The following EPHB2 variants were observed in gnomAD, a reference collection of about 807,000 sequenced individuals.
EPHB2 encodes the protein EPH receptor B2, also known as ephrin type-B receptor 2.
In EPHB2, 18 loss-of-function variants were observed where a neutral mutation model predicts 96.4. That is an observed-to-expected ratio of 0.19 (90% CI 0.13 to 0.28). The LOEUF (loss-of-function observed/expected upper bound fraction) is 0.28. EPHB2 is among the 10% of genes least tolerant of loss of function. EPHB2 has a pLI of 1.00. For synonymous variants in EPHB2, 506 were observed against 534.1 expected (o/e 0.95, Z 0.72); for missense variants, 989 against 1,355.4 (o/e 0.73, Z 4.25).
intron 3 of EPHB2, among the ~76,000 whole-genome samples, chr1:22,800,482 G>T (rs1324936287): frequency 2.6e-5 from 4 of 152,152 alleles, no homozygotes; most frequent in Admixed American, 2.6e-4. Context: ...GAATGTGTGG[G>T]TGCAGCCGTG....
chr1:22,919,579 T>C lies in EPHB2; in HGVS notation c.*6009T>C, dbSNP rs1640346530. 1 of 152,828 alleles carries C rather than the reference T, an allele frequency of 6.5e-6. No individual in the cohort carries two copies. Among genetic ancestry groups the C allele is most frequent in the Admixed American group, 6.5e-5 (1 of 15,286 alleles). 9.5% of individuals were successfully genotyped at this position (152,828 alleles called of 1,614,324 possible). The stretch of plus-strand genomic sequence containing the variant: ...CTCCAGCTGGACCTAGAGCTACAGA[T>C]GCCCCACCACCACTACCAAGCCCGG... On this transcript the variant is annotated 3_prime_UTR_variant, in exon 16 of 16. Coordinates refer to ENST00000374630, the MANE Select transcript of EPHB2 (RefSeq NM_017449.5).
At chr1:22,715,253 A>T (rs576232525) in intron 1 of EPHB2, among the ~76,000 whole-genome samples, 1 of 152,322 alleles carries the variant, frequency 6.6e-6, no homozygotes, top group Non-Finnish European at 1.5e-5. Context: ...CTGGAGGGAG[A>T]TACCAAGGGG....
intron 14 of EPHB2, 34 bp downstream of exon 14, chr1:22,910,609 C>A: frequency 6.2e-7 from 1 of 1,610,428 alleles, no homozygotes; most frequent in Admixed American, 1.7e-5. Flanking sequence ...CCCAGCCAGG[C>A]CCTGCCCCTC....
intron 3 of EPHB2, among the ~76,000 whole-genome samples, chr1:22,797,632 C>T (rs191450109): frequency 6.6e-5 from 10 of 152,228 alleles, no homozygotes; most frequent in African/African-American, 1.4e-4. Context: ...GTCTCCTGGC[C>T]GCCTCCACCC....
chr1:22,801,288 G>A (rs1033569943), intron 3 of EPHB2, among the ~76,000 whole-genome samples: 8 of 152,002 alleles, frequency 5.3e-5, no homozygotes, highest in Middle Eastern at 3.2e-3. Context: ...GTCTGTCCTC[G>A]CCAGGCCAGC....
chr1:22,909,084 G>C lies in EPHB2; in HGVS notation c.2415G>C (p.Ser805=). The C allele has an allele frequency of 6.2e-7, 1 of 1,614,200 alleles. No individual in the cohort carries two copies. The highest frequency in any genetic ancestry group is 8.5e-7 in the Non-Finnish European group (1 of 1,180,038). The part of the protein sequence containing the change: ...PEAIQYRKFT[S]ASDVWSYGIV... ...CCATCCAGTACCGGAAGTTCACCTC[G>C]GCCAGTGATGTGTGGAGCTACGGCA... is the stretch of plus-strand genomic sequence containing the variant. The change falls in exon 13 of 16, where the codon TCG becomes TCC. Residue 805 remains serine, a synonymous_variant. Coordinates refer to ENST00000374630, the MANE Select transcript of EPHB2 (RefSeq NM_017449.5).
chr1:22,863,564 G>T (rs1003022795), intron 4 of EPHB2, among the ~76,000 whole-genome samples: 17 of 152,220 alleles, frequency 1.1e-4, no homozygotes, highest in Admixed American at 1.1e-3. Flanking sequence ...CACAGCCCAA[G>T]GTCCTCTAGG....
At chr1:22,840,068 T>C (rs1162898064) in intron 3 of EPHB2, among the ~76,000 whole-genome samples, 1 of 152,010 alleles carries the variant, frequency 6.6e-6, no homozygotes, top group African/African-American at 2.4e-5. Flanking sequence ...TGGACGGATA[T>C]GTGGATGGAT....
intron 5 of EPHB2, among the ~76,000 whole-genome samples, chr1:22,880,711 T>C (rs1639011243): frequency 2.0e-5 from 3 of 152,216 alleles, no homozygotes; most frequent in South Asian, 4.1e-4. Flanking sequence ...GGAACTTCAA[T>C]GTCTTCACCT....
intron 3 of EPHB2, among the ~76,000 whole-genome samples, chr1:22,803,668 T>A (rs1644880339): frequency 7.0e-6 from 1 of 143,140 alleles, no homozygotes; most frequent in African/African-American, 2.5e-5. Flanking sequence ...TGTGTATATA[T>A]ATGTGTGTAT....
chr1:22,786,512 G>A (rs1644612848), intron 3 of EPHB2, among the ~76,000 whole-genome samples: 2 of 152,216 alleles, frequency 1.3e-5, no homozygotes, highest in Non-Finnish European at 2.9e-5. Flanking sequence ...GGGGGTGGTT[G>A]CAGTGATCCT....
chr1:22,720,940 G>C (rs1409653191), intron 1 of EPHB2, among the ~76,000 whole-genome samples: 1 of 152,246 alleles, frequency 6.6e-6, no homozygotes, highest in South Asian at 2.1e-4. Context: ...TGCTCCTGTG[G>C]CCTGGGGCAG....
intron 3 of EPHB2, among the ~76,000 whole-genome samples, chr1:22,837,004 T>C (rs1268840015): frequency 6.6e-6 from 1 of 152,006 alleles, no homozygotes; most frequent in African/African-American, 2.4e-5. Context: ...CCTTTGTGGT[T>C]CCAAGTGGCT....
chr1:22,909,129 G>C lies in EPHB2; in HGVS notation c.2460G>C (p.Met820Ile). The change falls in exon 13 of 16, where the codon ATG becomes ATC. Residue 820 changes from methionine to isoleucine, a missense_variant. Physicochemically the swap from Met to Ile is conservative, Grantham distance 10 (BLOSUM62 1). Coordinates refer to ENST00000374630, the MANE Select transcript of EPHB2 (RefSeq NM_017449.5). ...ACGGCATTGTCATGTGGGAGGTGAT[G>C]TCCTATGGGGAGCGGCCCTACTGGG... ...WSYGIVMWEV[M>I]SYGERPYWDM... The C allele has an allele frequency of 6.2e-7, 1 of 1,614,242 alleles. No individual in the cohort carries two copies. Among genetic ancestry groups the C allele is most frequent in the Non-Finnish European group, 8.5e-7 (1 of 1,180,042 alleles).
In EPHB2 at chr1:22,770,934, G is replaced by A. The variant is rs181643155; in HGVS notation, c.62-10487G>A. Among the ~76,000 whole-genome samples the A allele has an allele frequency of 3.0e-3, 461 of 152,226 alleles. 3 individuals are homozygous for A. The highest frequency in any genetic ancestry group is 0.01 in the African/African-American group (416 of 41,516). Reference sequence around the variant, plus strand: ...TAAGTGGGGACAATAATCAATTATCGCATGGGGCATTGTGAGCATCAAAAC... The same window carrying A: ...TAAGTGGGGACAATAATCAATTATCACATGGGGCATTGTGAGCATCAAAAC... On this transcript the variant is annotated intron_variant, in intron 1 of 15. Transcript: ENST00000374630.
chr1:22,751,600 G>A (rs1415830544), intron 1 of EPHB2, among the ~76,000 whole-genome samples: 1 of 152,172 alleles, frequency 6.6e-6, no homozygotes, highest in Non-Finnish European at 1.5e-5. Flanking sequence ...CACAGCCTCT[G>A]CCTTGAGAGA....
At chr1:22,753,183 A>G (rs996448093) in intron 1 of EPHB2, among the ~76,000 whole-genome samples, 2 of 151,388 alleles carry the variant, frequency 1.3e-5, no homozygotes, top group Non-Finnish European at 3.0e-5. Context: ...TGAGCTCCAG[A>G]GTTGGGCAAC....
intron 1 of EPHB2, among the ~76,000 whole-genome samples, chr1:22,763,491 G>A (rs1644263841): frequency 6.6e-6 from 1 of 152,148 alleles, no homozygotes; most frequent in South Asian, 2.1e-4. Flanking sequence ...GAGGTGGGGT[G>A]GCTCCCCTCA....
intron 1 of EPHB2, among the ~76,000 whole-genome samples, chr1:22,760,562 A>C (rs1305116821): frequency 6.6e-6 from 1 of 152,188 alleles, no homozygotes; most frequent in Non-Finnish European, 1.5e-5. Flanking sequence ...AAAGCTGAAA[A>C]GCTGAGCTCC....
Sources: gnomAD v4.1 joint callset for allele counts (sites outside exome capture counted in the v4.1 genomes callset) on GRCh38, gnomAD v4.1.1 for gene constraint, MANE v1.5 for transcripts, NCBI Gene and HGNC (gene_info 2026-07-23, HGNC 2026-07-21) for gene names.